DLG1: variants seen among roughly 807,000 people sequenced by gnomAD.
DLG1 encodes the protein discs large MAGUK scaffold protein 1.
DLG1 carries 42 observed loss-of-function variants against 123.4 expected under a neutral mutation model. The ratio of observed to expected loss-of-function variants is 0.34; its 90% CI spans 0.27 to 0.44. The LOEUF is 0.44. Ranked by LOEUF, DLG1 falls within the 20% of genes least tolerant of loss-of-function variation. DLG1 has a pLI of 1.00. For synonymous variants in DLG1, 317 were observed against 356.2 expected, an observed-to-expected ratio of 0.89 and a Z score of 1.24; for missense variants, 942 against 1,082.6, an observed-to-expected ratio of 0.87 and a Z score of 1.82.
intron 5 of DLG1, among the ~76,000 whole-genome samples, chr3:197,192,875 G>A (rs1252058444): frequency 6.6e-6 from 1 of 151,964 alleles, no homozygotes; most frequent in Non-Finnish European, 1.5e-5. Flanking sequence ...TCTGAAATAA[G>A]TGATATTATG....
At chr3:197,294,448 C>T (rs995408556) in intron 3 of DLG1, among the ~76,000 whole-genome samples, 3 of 151,978 alleles carry the variant, frequency 2.0e-5, no homozygotes, top group Non-Finnish European at 2.9e-5. Flanking sequence ...AGATCGAGAC[C>T]ATCCTGGCTT....
chr3:197,262,848 C>A (rs1560062228), intron 4 of DLG1, among the ~76,000 whole-genome samples: 1 of 152,176 alleles, frequency 6.6e-6, no homozygotes, highest in Non-Finnish European at 1.5e-5. Context: ...AATGGTTTTT[C>A]TCCTCTCAGA....
chr3:197,224,461 T>G (rs1178860248), intron 4 of DLG1, among the ~76,000 whole-genome samples: 3 of 152,200 alleles, frequency 2.0e-5, no homozygotes, highest in Non-Finnish European at 4.4e-5. Flanking sequence ...AACACTCTGT[T>G]GTACATACCA....
chr3:197,177,900 A>G (rs1016021563), intron 5 of DLG1, among the ~76,000 whole-genome samples: 3 of 152,264 alleles, frequency 2.0e-5, no homozygotes, highest in Non-Finnish European at 2.9e-5. Context: ...CGCTTCACAG[A>G]AAGTCTAAGG....
At chr3:197,148,850 T>G (rs1159985997) in intron 6 of DLG1, among the ~76,000 whole-genome samples, 1 of 152,168 alleles carries the variant, frequency 6.6e-6, no homozygotes, top group East Asian at 1.9e-4. Flanking sequence ...ATCACGAAAT[T>G]GCGGCATTTT....
At chr3:197,065,852 A>C in intron 20 of DLG1, 43 bp from the exon 21 acceptor site, 10 of 1,214,886 alleles carry the variant, frequency 8.2e-6, no homozygotes, top group Non-Finnish European at 1.2e-5. Flanking sequence ...AACATTCAAC[A>C]AATATCAATG....
chr3:197,283,017 A>G (rs181643837), intron 3 of DLG1, among the ~76,000 whole-genome samples, 172 bp from the exon 4 acceptor site: 141 of 152,338 alleles, frequency 9.3e-4, no homozygotes, highest in African/African-American at 3.0e-3. Flanking sequence ...TATCACAATC[A>G]TATCAGAACC....
At chr3:197,208,477 T>G (rs1729736600) in intron 4 of DLG1, among the ~76,000 whole-genome samples, 1 of 146,998 alleles carries the variant, frequency 6.8e-6, no homozygotes, top group African/African-American at 2.4e-5. Flanking sequence ...TAGTATTGTT[T>G]GTAAAACAAA....
At chr3:197,153,539 A>G (rs192334576) in intron 5 of DLG1, among the ~76,000 whole-genome samples, 1 of 152,260 alleles carries the variant, frequency 6.6e-6, no homozygotes, top group Admixed American at 6.5e-5. Flanking sequence ...TTCTCATCAC[A>G]AAGGTGCAAA....
chr3:197,194,896 C>A (rs748912711), intron 4 of DLG1, among the ~76,000 whole-genome samples: 1 of 152,024 alleles, frequency 6.6e-6, no homozygotes, highest in African/African-American at 2.4e-5. Flanking sequence ...TAAATAAAGT[C>A]AATGGAAAAG....
chr3:197,170,557 T>C (rs756285922), intron 5 of DLG1, among the ~76,000 whole-genome samples: 51 of 152,308 alleles, frequency 3.3e-4, no homozygotes, highest in Non-Finnish European at 5.9e-4. Context: ...ACAGTGTCTG[T>C]TTACGTCCTT....
intron 5 of DLG1, chr3:197,183,828 G>GT: frequency 6.5e-7 from 1 of 1,544,046 alleles, no homozygotes; most frequent in Middle Eastern, 1.9e-4. Flanking sequence ...CCTGCAGGTG[G>GT]TTGCCAAGCA....
chr3:197,274,413 C>T (rs1765392870), intron 4 of DLG1, among the ~76,000 whole-genome samples: 2 of 152,050 alleles, frequency 1.3e-5, no homozygotes, highest in Admixed American at 1.3e-4. Flanking sequence ...ATCTAGACTC[C>T]CATTACTCAC....
At chr3:197,063,361 G>A (rs1737185931) in intron 22 of DLG1, among the ~76,000 whole-genome samples, 1 of 151,828 alleles carries the variant, frequency 6.6e-6, no homozygotes, top group Non-Finnish European at 1.5e-5. Context: ...TCAGAGAAAT[G>A]TCATACCCCT....
chr3:197,287,452 C>T (rs892787557), intron 3 of DLG1, among the ~76,000 whole-genome samples: 16 of 31,244 alleles, frequency 5.1e-4, no homozygotes, highest in Non-Finnish European at 1.1e-3. Flanking sequence ...TGTTTCCAAA[C>T]GTATTAAGGG....
rs578187397 is a variant in DLG1, at chr3:197,156,991, G to C, written c.484-7195C>G. Among the ~76,000 whole-genome samples, 5 of 152,300 alleles carry C rather than the reference G, an allele frequency of 3.3e-5. No individual in the cohort carries two copies. The South Asian group carries it at 1.0e-3, about 32-fold the overall frequency. On this transcript the variant is annotated intron_variant, in intron 5 of 24. Transcript: ENST00000667157. ...AACAGAACACACATTCTTCTCAAGT[G>C]CACATGGGAATAGAAGGAAACTATG...
rs191869721 is a variant in DLG1 at position 197,139,511 on chromosome 3, A to T, written c.713+629T>A. 7.8e-3 allele frequency among the ~76,000 whole-genome samples: 1,191 copies of T among 152,306 alleles called. 9 individuals carry two copies. Among genetic ancestry groups the T allele is most frequent in the Non-Finnish European group, 0.011 (771 of 68,010 alleles). On this transcript the variant is annotated intron_variant, in intron 8 of 24. Transcript: ENST00000667157. The stretch of plus-strand genomic sequence containing the variant: ...CAGGGTATTTGAACAACAAACAAGG[A>T]AATAGGAAAAATGACATAATTTATG...
At chr3:197,183,772 A>G (rs983466730) in intron 5 of DLG1, 3 of 1,550,264 alleles carry the variant, frequency 1.9e-6, no homozygotes, top group East Asian at 2.4e-5. Flanking sequence ...CTGCCGCGAG[A>G]GTATAGAAGT....
intron 24 of DLG1, among the ~76,000 whole-genome samples, chr3:197,046,024 T>C (rs1242401682): frequency 2.0e-5 from 3 of 152,232 alleles, no homozygotes; most frequent in Non-Finnish European, 4.4e-5. Context: ...GAATTTTCAG[T>C]AACATGATAT....
Sources: gnomAD v4.1 joint callset for allele counts (sites outside exome capture counted in the v4.1 genomes callset) on GRCh38, gnomAD v4.1.1 for gene constraint, MANE v1.5 for transcripts, NCBI Gene and HGNC (gene_info 2026-07-23, HGNC 2026-07-21) for gene names.